The following PTCD3 variants were observed in gnomAD, a reference collection of about 807,000 sequenced individuals.
PTCD3 encodes pentatricopeptide repeat domain 3.
In PTCD3, 89 loss-of-function variants were observed where a neutral mutation model predicts 101.9. The observed-to-expected ratio is 0.87, with a 90% CI of 0.74 to 1.04. The LOEUF is 1.04. Among genes scored for constraint, PTCD3 ranks in the 50% least tolerant of loss-of-function variants. The probability of loss-of-function intolerance (pLI) is 0.00; values close to 1 mark genes in which losing one functional copy is unlikely to be tolerated. For synonymous variants in PTCD3, 296 were observed against 278.5 expected (o/e 1.06, Z -0.63); for missense variants, 870 against 828.2 (o/e 1.05, Z -0.62).
chr2:86,137,635 A>G lies in PTCD3; in HGVS notation c.*76A>G. 6.3e-7 allele frequency: 1 copy of G among 1,586,056 alleles called. No homozygotes were observed. The stretch of plus-strand genomic sequence containing the variant: ...CACCTGAGAACTGAGATATACCAAT[A>G]TTTAACATTGTTACAAAGAAGAAAA... On this transcript the variant is annotated 3_prime_UTR_variant, in exon 24 of 24. Coordinates refer to ENST00000254630, the MANE Select transcript of PTCD3 (RefSeq NM_017952.6).
At chr2:86,127,042 A>T in intron 12 of PTCD3, 119 bp from the exon 13 acceptor site, 1 of 830,468 alleles carries the variant, frequency 1.2e-6, no homozygotes, top group South Asian at 2.0e-5. Flanking sequence ...AGAGGGATAT[A>T]GTTACTAACC....
At chr2:86,108,465 T>TC in intron 2 of PTCD3, 35 bp from the exon 3 acceptor site, 1 of 1,589,224 alleles carries the variant, frequency 6.3e-7, no homozygotes, top group Non-Finnish European at 8.5e-7. Flanking sequence ...ATTGTAGTAC[T>TC]AGGAAACTGA....
Position 86,106,245 on chromosome 2 carries a change from A to C in PTCD3, c.-3A>C, listed in dbSNP as rs1173577796. The C allele has an allele frequency of 1.9e-6, 3 of 1,613,736 alleles. No individual in the cohort carries two copies. ...CCCAACATGCTCTGCAGAGAAATCA[A>C]AGATGGCGGTTGTATCTGCTGTTCG... On this transcript the variant is annotated 5_prime_UTR_variant, in exon 1 of 24. Transcript: ENST00000254630.
At position 86,127,192 on chromosome 2, in the gene PTCD3, T is replaced by C. The variant is rs749430810; in HGVS notation, c.983T>C (p.Val328Ala). Reference sequence around the variant, plus strand: ...CTAAGACACATGGTTGCACAGAAGGTGAAACCAAATCTTCAGACTTTTAAT... The same window carrying C: ...CTAAGACACATGGTTGCACAGAAGGCGAAACCAAATCTTCAGACTTTTAAT... ...ELLRHMVAQKVKPNLQTFNTI... is the reference protein window; with the variant it reads ...ELLRHMVAQKAKPNLQTFNTI... The change falls in exon 13 of 24, where the codon GTG (valine) becomes GCG (alanine). Residue 328 changes from valine to alanine, a missense_variant. Val to Ala is a moderately conservative substitution (Grantham distance 64). Coordinates refer to ENST00000254630, the MANE Select transcript of PTCD3 (RefSeq NM_017952.6). The C allele has an allele frequency of 6.2e-7, 1 of 1,613,654 alleles. No homozygotes were observed. The highest frequency in any genetic ancestry group is 1.7e-5 in the Admixed American group (1 of 59,964).
Position 86,106,343 on chromosome 2 carries a change from C to T in PTCD3, c.96C>T (p.Arg32=). ...GGGCGGGTTTGTGTGAACAGGCACGCAGCTGCAGGTAAGAGACGCTTAGGG... is the reference window on the plus strand; with the variant it reads ...GGGCGGGTTTGTGTGAACAGGCACGTAGCTGCAGGTAAGAGACGCTTAGGG... ...GRRAGLCEQA[R]SCRFYSGSAT... Residue 32 remains arginine (R), a synonymous_variant, in exon 1 of 24, where the codon CGC becomes CGT. Coordinates refer to ENST00000254630, the MANE Select transcript of PTCD3 (RefSeq NM_017952.6). 6.2e-7 allele frequency: 1 copy of T among 1,613,898 alleles called. No individual in the cohort carries two copies. The highest frequency in any genetic ancestry group is 1.1e-5 in the South Asian group (1 of 91,034).
intron 21 of PTCD3, chr2:86,135,906 G>C (rs1215587358): frequency 1.2e-5 from 6 of 519,100 alleles, no homozygotes; most frequent in South Asian, 8.4e-5. Context: ...ACGGACCTCA[G>C]CTGAGTCATG....
chr2:86,127,385 T>G (rs1674415741), intron 13 of PTCD3, 80 bp downstream of exon 13: 1 of 1,435,126 alleles, frequency 7.0e-7, no homozygotes, highest in Non-Finnish European at 9.4e-7. Context: ...CAAAGAGCTT[T>G]AAATTATTCT....
In PTCD3 at chr2:86,133,198, T is replaced by G. The variant is rs1674524142; in HGVS notation, c.1394T>G (p.Ile465Ser). ...CACAGTTCCAAGTTCTTCGATTTGA[T>G]TTGTCTAATGGAACAAATTGATGTT... ...NFYYSKFFDL[I>S]CLMEQIDVTL... Residue 465 changes from isoleucine (I) to serine (S), a missense_variant, in exon 18 of 24, where the codon ATT (isoleucine) becomes AGT (serine). By Grantham distance (142) the Ile-to-Ser change is moderately radical. Coordinates refer to ENST00000254630, the MANE Select transcript of PTCD3 (RefSeq NM_017952.6). 6.2e-7 allele frequency: 1 copy of G among 1,613,950 alleles called. No individual in the cohort carries two copies. The highest frequency in any genetic ancestry group is 1.7e-5 in the Admixed American group (1 of 60,008).
intron 22 of PTCD3, chr2:86,136,775 G>T (rs1305641607): frequency 1.2e-6 from 1 of 801,680 alleles, no homozygotes; most frequent in Non-Finnish European, 2.1e-6. Context: ...AGATCATCAT[G>T]AAGTCATACT....
chr2:86,134,868 T>C lies in PTCD3; in HGVS notation c.1659T>C (p.Ala553=). The change falls in exon 21 of 24, where the codon GCT becomes GCC. Residue 553 remains alanine (A), a synonymous_variant. Coordinates refer to ENST00000254630, the MANE Select transcript of PTCD3 (RefSeq NM_017952.6). ...AGGTGGCATTTGCTGACTGTGCTGC[T>C]GATATCAAATCTGCGTATGAAAGCC... ...ELQVAFADCA[A]DIKSAYESQP... The C allele has an allele frequency of 1.2e-6, 2 of 1,614,192 alleles. No individual in the cohort carries two copies. The highest frequency in any genetic ancestry group is 1.7e-6 in the Non-Finnish European group (2 of 1,180,014).
chr2:86,121,087 C>G (rs1006753397), intron 7 of PTCD3, among the ~76,000 whole-genome samples: 4 of 152,094 alleles, frequency 2.6e-5, no homozygotes, highest in Non-Finnish European at 5.9e-5. Flanking sequence ...GTATCTGGAT[C>G]CAAATGGAAT....
At chr2:86,122,793 A>C (rs1023109306) in intron 8 of PTCD3, among the ~76,000 whole-genome samples, 2 of 152,200 alleles carry the variant, frequency 1.3e-5, no homozygotes, top group Admixed American at 1.3e-4. Flanking sequence ...TGCTTTCCAG[A>C]GTATCACTTC....
intron 4 of PTCD3, among the ~76,000 whole-genome samples, chr2:86,114,356 C>T (rs1218060920): frequency 6.6e-6 from 1 of 151,810 alleles, no homozygotes; most frequent in African/African-American, 2.4e-5. Flanking sequence ...GGCGCAATCT[C>T]AGCTCACTGC....
At position 86,118,984 on chromosome 2, in the gene PTCD3, C is replaced by A. The variant is rs1004484292; in HGVS notation, c.478C>A (p.Arg160=). ...CATAAGTGAAGCCGCCCTGAAGGAA[C>A]GAATTGAGCTCAGAAAAGTCAAAGC... ...KDISEAALKE[R]IELRKVKASV... is the part of the protein sequence containing the mutation. Residue 160 remains arginine (R), a synonymous_variant, in exon 7 of 24, where the codon CGA becomes AGA. Transcript: ENST00000254630. The A allele has an allele frequency of 6.2e-7, 1 of 1,614,004 alleles. No homozygotes were observed. The highest frequency in any genetic ancestry group is 8.5e-7 in the Non-Finnish European group (1 of 1,179,948).
At chr2:86,110,237 T>C (rs530823869) in intron 3 of PTCD3, among the ~76,000 whole-genome samples, 8 of 152,372 alleles carry the variant, frequency 5.3e-5, no homozygotes, top group Admixed American at 3.9e-4. Context: ...TGTGTCGTTA[T>C]CACACTTGCT....
rs751363119 is a variant in PTCD3, at chr2:86,106,294, T to A, written c.47T>A (p.Leu16His). ...CGCTGGCTGGGCCTCCGCAGCAGGC[T>A]TGGCCAGCCGCTGACGGGTCGGCGG... ...AVRWLGLRSR[L>H]GQPLTGRRAG... is the part of the protein sequence containing the mutation. The change falls in exon 1 of 24, where the codon CTT becomes CAT. Residue 16 changes from leucine (L) to histidine (H), a missense_variant. Coordinates refer to ENST00000254630, the MANE Select transcript of PTCD3 (RefSeq NM_017952.6). 1 of 1,613,282 alleles carries A rather than the reference T, an allele frequency of 6.2e-7. No homozygotes were observed. Among genetic ancestry groups the A allele is most frequent in the African/African-American group, 1.3e-5 (1 of 74,924 alleles).
chr2:86,134,463 G>T, intron 20 of PTCD3, 86 bp downstream of exon 20: 1 of 1,129,116 alleles, frequency 8.9e-7, no homozygotes. Context: ...TGCCATTTTG[G>T]AGAGTTCTGC....
At chr2:86,111,225 A>G (rs1303357635) in intron 4 of PTCD3, 67 bp downstream of exon 4, 9 of 1,313,068 alleles carry the variant, frequency 6.9e-6, no homozygotes, top group South Asian at 3.6e-5. Context: ...TAACTCGGCT[A>G]ATAACACATT....
chr2:86,134,743 T>C (rs879396454), intron 20 of PTCD3, 96 bp from the exon 21 acceptor site: 2 of 1,359,552 alleles, frequency 1.5e-6, no homozygotes, highest in Non-Finnish European at 2.1e-6. Flanking sequence ...AATGGTAAAA[T>C]GCATTGCTCA....
Sources: allele counts gnomAD v4.1 joint callset (sites outside exome capture counted in the v4.1 genomes callset), GRCh38; gene constraint gnomAD v4.1.1; transcripts MANE v1.5; gene names NCBI Gene and HGNC (gene_info 2026-07-23, HGNC 2026-07-21).